The following AFG1L variants were observed in gnomAD, a reference collection of about 807,000 sequenced individuals.
AFG1L encodes the protein AFG1 like ATPase, also known as AFG1-like ATPase.
In AFG1L, 53 loss-of-function variants were observed where a neutral mutation model predicts 62.2. The ratio of observed to expected loss-of-function variants is 0.85; its 90% CI spans 0.68 to 1.07. The LOEUF is 1.07. Among genes scored for constraint, AFG1L ranks in the 50% least tolerant of loss-of-function variants. The probability of loss-of-function intolerance (pLI) is 0.00; values close to 1 mark genes in which losing one functional copy is unlikely to be tolerated. For missense variants in AFG1L, 555 were observed against 590.5 expected, an observed-to-expected ratio of 0.94 and a Z score of 0.62; for synonymous variants, 228 against 210.3, an observed-to-expected ratio of 1.08 and a Z score of -0.73.
rs1771736760 is a variant in AFG1L at position 108,445,563 on chromosome 6, G to T, written c.808-1651G>T. 3.3e-5 allele frequency among the ~76,000 whole-genome samples: 5 copies of T among 151,592 alleles called. No homozygotes were observed. The South Asian group carries it at 1.0e-3, about 32-fold the overall frequency. On this transcript the variant is annotated intron_variant, in intron 7 of 12. Transcript: ENST00000368977. ...TCTTCCTTTCACCTGAACACTTAGAGGTCATTGTAGGGCTATTAATCGACA... is the reference window on the plus strand; with the variant it reads ...TCTTCCTTTCACCTGAACACTTAGATGTCATTGTAGGGCTATTAATCGACA...
intron 7 of AFG1L, among the ~76,000 whole-genome samples, chr6:108,436,877 C>A (rs1041482857): frequency 1.3e-5 from 2 of 152,068 alleles, no homozygotes; most frequent in Non-Finnish European, 2.9e-5. Context: ...TAGAATAGTC[C>A]CTGGCACATG....
At chr6:108,303,526 C>T (rs528420007) in intron 1 of AFG1L, among the ~76,000 whole-genome samples, 1 of 152,344 alleles carries the variant, frequency 6.6e-6, no homozygotes, top group South Asian at 2.1e-4. Context: ...CTGGAGATAC[C>T]TGATACTTCA....
chr6:108,464,294 A>G (rs553457218), intron 8 of AFG1L, among the ~76,000 whole-genome samples: 138 of 152,326 alleles, frequency 9.1e-4, no homozygotes, highest in Non-Finnish European at 1.6e-3. Flanking sequence ...AGAATTTCAA[A>G]TGATCCAGCA....
intron 10 of AFG1L, among the ~76,000 whole-genome samples, chr6:108,506,790 A>T (rs554664732): frequency 6.6e-6 from 1 of 152,254 alleles, no homozygotes; most frequent in South Asian, 2.1e-4. Flanking sequence ...TTTATGTTAT[A>T]TTTTTTTCCA....
intron 10 of AFG1L, among the ~76,000 whole-genome samples, chr6:108,496,446 T>C (rs2114864987): frequency 6.6e-6 from 1 of 152,350 alleles, no homozygotes; most frequent in East Asian, 1.9e-4. Context: ...TAGAACTCCC[T>C]GTCTTGTACA....
intron 10 of AFG1L, among the ~76,000 whole-genome samples, chr6:108,481,358 G>A (rs1243337824): frequency 1.3e-5 from 2 of 152,128 alleles, no homozygotes; most frequent in African/African-American, 4.8e-5. Flanking sequence ...CAGAAATATG[G>A]TTATTGAAGA....
intron 2 of AFG1L, among the ~76,000 whole-genome samples, chr6:108,324,988 T>C (rs1045155456): frequency 6.6e-6 from 1 of 152,174 alleles, no homozygotes; most frequent in African/African-American, 2.4e-5. Flanking sequence ...CCACTGTGCC[T>C]GGCCTGGGAC....
At chr6:108,437,284 G>A (rs771624712) in intron 7 of AFG1L, among the ~76,000 whole-genome samples, 3 of 152,090 alleles carry the variant, frequency 2.0e-5, no homozygotes, top group Non-Finnish European at 2.9e-5. Context: ...TCTTATTATG[G>A]GACCTATTAA....
chr6:108,519,604 G>A, intron 11 of AFG1L, 93 bp from the exon 12 acceptor site: 1 of 699,664 alleles, frequency 1.4e-6, no homozygotes, highest in Non-Finnish European at 2.5e-6. Context: ...GCTCCTGTAT[G>A]TGAAAAACAG....
intron 11 of AFG1L, among the ~76,000 whole-genome samples, chr6:108,517,473 C>A (rs528357328): frequency 6.6e-6 from 1 of 152,320 alleles, no homozygotes; most frequent in South Asian, 2.1e-4. Context: ...AAACTGTATC[C>A]TTTCCTTACA....
At chr6:108,497,160 A>G (rs1774001681) in intron 10 of AFG1L, among the ~76,000 whole-genome samples, 1 of 152,186 alleles carries the variant, frequency 6.6e-6, no homozygotes, top group Non-Finnish European at 1.5e-5. Flanking sequence ...ACTACAACCC[A>G]TCAAACTGTT....
rs111348510 is a variant in AFG1L, at chr6:108,339,269, T to G, written c.364-7719T>G. 5.1e-3 allele frequency among the ~76,000 whole-genome samples: 767 copies of G among 151,186 alleles called. 4 individuals carry two copies. Among genetic ancestry groups the G allele is most frequent in the Middle Eastern group, 0.024 (7 of 294 alleles). On this transcript the variant is annotated intron_variant, in intron 2 of 12. Coordinates refer to ENST00000368977, the MANE Select transcript of AFG1L (RefSeq NM_145315.5). ...GATTCTTGTGCCTCAGCCTCTCGAGTAGCTGGGACTACAGGCACGTGCCAC... is the reference window on the plus strand; with the variant it reads ...GATTCTTGTGCCTCAGCCTCTCGAGGAGCTGGGACTACAGGCACGTGCCAC...
chr6:108,501,052 G>A (rs900445878), intron 10 of AFG1L, among the ~76,000 whole-genome samples: 5 of 151,738 alleles, frequency 3.3e-5, no homozygotes, highest in Admixed American at 6.6e-5. Flanking sequence ...GGAGTGCAAC[G>A]GTGTGATCTC....
intron 3 of AFG1L, among the ~76,000 whole-genome samples, chr6:108,351,342 GT>G (rs1181073569): frequency 6.6e-6 from 1 of 152,178 alleles, no homozygotes; most frequent in Non-Finnish European, 1.5e-5. Flanking sequence ...CATTGTGTAT[GT>G]GGTCCATTGT....
chr6:108,438,286 G>A (rs552658393), intron 7 of AFG1L, among the ~76,000 whole-genome samples: 2 of 152,280 alleles, frequency 1.3e-5, no homozygotes, highest in South Asian at 4.1e-4. Context: ...GGACAAAGAC[G>A]TTGGCAGGTT....
At position 108,338,378 on chromosome 6, in the gene AFG1L, G is replaced by A. The variant is rs146830178; in HGVS notation, c.364-8610G>A. Among the ~76,000 whole-genome samples the A allele has an allele frequency of 4.1e-3, 631 of 152,278 alleles. 4 individuals carry two copies. Among genetic ancestry groups the A allele is most frequent in the African/African-American group, 0.015 (610 of 41,566 alleles). On this transcript the variant is annotated intron_variant, in intron 2 of 12. Coordinates refer to ENST00000368977, the MANE Select transcript of AFG1L (RefSeq NM_145315.5). ...CAAAATGTGAAATATTTAAGAAAGA[G>A]CTCTGTGATCAAATAAGTTTAGGAA... is the stretch of plus-strand genomic sequence containing the variant.
chr6:108,490,086 C>T (rs1336087765), intron 10 of AFG1L, among the ~76,000 whole-genome samples: 5 of 152,180 alleles, frequency 3.3e-5, no homozygotes, highest in East Asian at 3.9e-4. Context: ...CTAGGCTAGG[C>T]GCGGTGGCTT....
intron 8 of AFG1L, among the ~76,000 whole-genome samples, chr6:108,455,927 C>T (rs1772236997): frequency 6.6e-6 from 1 of 152,082 alleles, no homozygotes. Flanking sequence ...GTAGTGTGTA[C>T]TTTAAAGGCC....
At chr6:108,402,467 TAAAAAAAA>T (rs55775052) in intron 7 of AFG1L, among the ~76,000 whole-genome samples, 1 of 91,182 alleles carries the variant, frequency 1.1e-5, no homozygotes, top group Non-Finnish European at 2.1e-5. Context: ...CCGTCTCGAA[TAAAAAAAA>T]AAAAAAAAAA....
Sources: gnomAD v4.1 joint callset for allele counts (sites outside exome capture counted in the v4.1 genomes callset) on GRCh38, gnomAD v4.1.1 for gene constraint, MANE v1.5 for transcripts, NCBI Gene and HGNC (gene_info 2026-07-23, HGNC 2026-07-21) for gene names.